Variants in LARGE1 observed in about 807,000 individuals in gnomAD.
LARGE1 encodes the protein xylosyl- and glucuronyltransferase LARGE1.
LARGE1 carries 43 observed loss-of-function variants against 87.6 expected under a neutral mutation model. The ratio of observed to expected loss-of-function variants is 0.49; its 90% confidence interval spans 0.38 to 0.63. The LOEUF (loss-of-function observed/expected upper bound fraction) is 0.63, where lower values mean the gene tolerates loss of function less well. Among genes scored for constraint, LARGE1 ranks in the 30% least tolerant of loss-of-function variants. The probability of loss-of-function intolerance (pLI) is 0.00; values close to 1 mark genes in which losing one functional copy is unlikely to be tolerated. For missense variants in LARGE1, 802 were observed against 1,000.2 expected, an observed-to-expected ratio of 0.80 and a Z score of 2.67; for synonymous variants, 434 against 394.6, an observed-to-expected ratio of 1.10 and a Z score of -1.18.
At chr22:33,892,130 ACCCAC>A (rs894012755) in intron 1 of LARGE1, among the ~76,000 whole-genome samples, 2 of 152,186 alleles carry the variant, frequency 1.3e-5, no homozygotes, top group Admixed American at 6.5e-5. Flanking sequence ...CATGTTAGCA[ACCCAC>A]CACATCAGTC....
chr22:33,262,914 T>C (rs980173953), intron 11 of LARGE1, among the ~76,000 whole-genome samples: 8 of 149,010 alleles, frequency 5.4e-5, no homozygotes, highest in Non-Finnish European at 1.5e-5. Context: ...TCTTTCTTTC[T>C]TGGAGTCTCA....
chr22:33,625,695 C>G (rs1364260846), intron 4 of LARGE1, among the ~76,000 whole-genome samples: 1 of 152,198 alleles, frequency 6.6e-6, no homozygotes, highest in Non-Finnish European at 1.5e-5. Context: ...TGGCCTCCTT[C>G]TCAATGTATG....
chr22:33,909,923 C>A (rs908152720), intron 1 of LARGE1, among the ~76,000 whole-genome samples: 1 of 152,130 alleles, frequency 6.6e-6, no homozygotes, highest in African/African-American at 2.4e-5. Context: ...TTTGTGCTTG[C>A]CAAACTACCC....
intron 1 of LARGE1, among the ~76,000 whole-genome samples, chr22:33,882,619 A>G (rs2064730015): frequency 6.6e-6 from 1 of 152,226 alleles, no homozygotes; most frequent in South Asian, 2.1e-4. Context: ...TAAGGCAACT[A>G]AGACTACAAA....
chr22:33,219,194 G>A (rs1925345743), intron 11 of LARGE1, among the ~76,000 whole-genome samples: 1 of 152,154 alleles, frequency 6.6e-6, no homozygotes. Context: ...CAGCTACCAA[G>A]GGGTGGAACT....
intron 6 of LARGE1, among the ~76,000 whole-genome samples, chr22:33,502,722 C>T (rs985617806): frequency 2.0e-5 from 3 of 151,998 alleles, no homozygotes; most frequent in African/African-American, 7.3e-5. Flanking sequence ...GCGCCTGCCA[C>T]CACGCCTGGC....
At chr22:33,332,114 G>A (rs1476904089) in intron 10 of LARGE1, among the ~76,000 whole-genome samples, 1 of 152,126 alleles carries the variant, frequency 6.6e-6, no homozygotes, top group African/African-American at 2.4e-5. Context: ...TGAATTATCA[G>A]CTGGGTGGAT....
At chr22:33,350,125 G>T (rs1337599485) in intron 9 of LARGE1, among the ~76,000 whole-genome samples, 1 of 152,144 alleles carries the variant, frequency 6.6e-6, no homozygotes, top group Non-Finnish European at 1.5e-5. Flanking sequence ...CTCAGGGCTG[G>T]GAAGGTCATG....
chr22:33,154,103 T>C, the LARGE1 span, among the ~76,000 whole-genome samples: 1 of 152,030 alleles, frequency 6.6e-6, no homozygotes, highest in African/African-American at 2.4e-5. Context: ...TAATTGTTTA[T>C]GACAGAAGGT....
intron 9 of LARGE1, among the ~76,000 whole-genome samples, chr22:33,377,469 T>C (rs939516956): frequency 9.2e-5 from 14 of 152,254 alleles, no homozygotes; most frequent in Admixed American, 7.9e-4. Context: ...TGCTATGGCA[T>C]GTATATTCCC....
At chr22:33,322,580 C>G (rs1003247598) in intron 10 of LARGE1, 1 of 152,156 alleles carries the variant, frequency 6.6e-6, no homozygotes, top group Non-Finnish European at 1.5e-5. Context: ...ATGTCCTCAG[C>G]CCCTGTATGT....
At chr22:33,154,688 CT>C in the LARGE1 span, among the ~76,000 whole-genome samples, 5 of 151,340 alleles carry the variant, frequency 3.3e-5, no homozygotes, top group South Asian at 6.3e-4. Flanking sequence ...ATAAGTTAGT[CT>C]TTTTTTTTCT....
chr22:33,290,578 T>C (rs1932351087), intron 12 of LARGE1, among the ~76,000 whole-genome samples: 1 of 152,082 alleles, frequency 6.6e-6, no homozygotes, highest in Non-Finnish European at 1.5e-5. Context: ...ACGTGTGCCA[T>C]GGAGGAGTCA....
At position 33,362,559 on chromosome 22, in the gene LARGE1, C is replaced by T. The variant is rs762117527; in HGVS notation, c.1131+19360G>A. Among the ~76,000 whole-genome samples the T allele has an allele frequency of 4.5e-4, 68 of 149,960 alleles. 9 individuals carry two copies. Among genetic ancestry groups the T allele is most frequent in the Admixed American group, 5.3e-4 (8 of 15,144 alleles). ...AGATGCCCAAGGCTGGTAAGCCTCTCGCTAGTAGGATGTCAGAGGATGTCT... is the reference window on the plus strand; with the variant it reads ...AGATGCCCAAGGCTGGTAAGCCTCTTGCTAGTAGGATGTCAGAGGATGTCT... On this transcript the variant is annotated intron_variant, in intron 9 of 14. Coordinates refer to ENST00000397394, the MANE Select transcript of LARGE1 (RefSeq NM_133642.5).
chr22:33,369,431 C>T (rs2064724169), intron 9 of LARGE1, among the ~76,000 whole-genome samples: 1 of 151,350 alleles, frequency 6.6e-6, no homozygotes, highest in Non-Finnish European at 1.5e-5. Flanking sequence ...ATTTGAACTC[C>T]CCAAGCTTCT....
intron 2 of LARGE1, among the ~76,000 whole-genome samples, chr22:33,690,325 C>T (rs1209977583): frequency 1.3e-5 from 2 of 152,150 alleles, no homozygotes; most frequent in African/African-American, 4.8e-5. Flanking sequence ...AGATAATGGC[C>T]CCCATCTCAT....
In LARGE1 at chr22:33,390,496, G is replaced by A. The variant is rs575331854; in HGVS notation, c.893-6192C>T. 3.7e-4 allele frequency among the ~76,000 whole-genome samples: 57 copies of A among 152,214 alleles called. No individual in the cohort carries two copies. In the South Asian group the frequency reaches 0.011, roughly 29 times the overall value. ...CTTCCTGTGCCAGCAGAACCCATGG[G>A]TGGCTCTTCTTTGTACCTAGACATT... On this transcript the variant is annotated intron_variant, in intron 7 of 14. Coordinates refer to ENST00000397394, the MANE Select transcript of LARGE1 (RefSeq NM_133642.5).
chr22:33,102,508 T>C, the LARGE1 span, among the ~76,000 whole-genome samples: 1 of 151,456 alleles, frequency 6.6e-6, no homozygotes, highest in Non-Finnish European at 1.5e-5. Context: ...TCTTTCTTTC[T>C]GAAGGAGTTT....
intron 6 of LARGE1, among the ~76,000 whole-genome samples, chr22:33,497,969 G>A (rs1463049974): frequency 3.3e-5 from 5 of 152,062 alleles, no homozygotes; most frequent in African/African-American, 1.2e-4. Flanking sequence ...TGCAACCTCC[G>A]CCTCCTACGT....
Sources: allele counts gnomAD v4.1 joint callset (sites outside exome capture counted in the v4.1 genomes callset), GRCh38; gene constraint gnomAD v4.1.1; transcripts MANE v1.5; gene names NCBI Gene and HGNC (gene_info 2026-07-23, HGNC 2026-07-21).